The following SLC1A7 variants were observed in gnomAD, a reference collection of about 807,000 sequenced individuals.
SLC1A7 encodes the protein solute carrier family 1 member 7.
SLC1A7 carries 40 observed loss-of-function variants against 47.7 expected under a neutral mutation model. The ratio of observed to expected loss-of-function variants is 0.84; its 90% CI spans 0.65 to 1.09. The LOEUF (loss-of-function observed/expected upper bound fraction) is 1.09. Among genes scored for constraint, SLC1A7 ranks in the 50% least tolerant of loss-of-function variants. The pLI, the probability that SLC1A7 is intolerant of heterozygous loss-of-function variation, is 0.00. For missense variants in SLC1A7, 746 were observed against 769.5 expected, an observed-to-expected ratio of 0.97 and a Z score of 0.36; for synonymous variants, 323 against 325.6, an observed-to-expected ratio of 0.99 and a Z score of 0.09.
At chr1:53,109,219 A>G (rs1436892021) in intron 3 of SLC1A7, among the ~76,000 whole-genome samples, 1 of 151,986 alleles carries the variant, frequency 6.6e-6, no homozygotes, top group African/African-American at 2.4e-5. Context: ...CCCCAAACCA[A>G]GCCCTAAAGG....
intron 5 of SLC1A7, among the ~76,000 whole-genome samples, chr1:53,099,947 C>T (rs770732999): frequency 1.3e-4 from 19 of 151,292 alleles, no homozygotes; most frequent in Non-Finnish European, 2.5e-4. Flanking sequence ...TCACACACCA[C>T]ACCACCTCGT....
At chr1:53,104,101 A>AC (rs375094797) in intron 4 of SLC1A7, among the ~76,000 whole-genome samples, 45 of 152,194 alleles carry the variant, frequency 3.0e-4, no homozygotes, top group African/African-American at 1.0e-3. Flanking sequence ...CATGGGTCTC[A>AC]CCCCATCATC....
intron 2 of SLC1A7, among the ~76,000 whole-genome samples, chr1:53,128,591 C>G (rs1644908282): frequency 7.0e-6 from 1 of 143,160 alleles, no homozygotes; most frequent in South Asian, 2.2e-4. Context: ...TGGGCAGGAC[C>G]TGGCCAGGGC....
At chr1:53,090,982 T>C in intron 7 of SLC1A7, 176 bp from the exon 8 acceptor site, 7 of 1,484,956 alleles carry the variant, frequency 4.7e-6, no homozygotes, top group Non-Finnish European at 5.4e-6. Context: ...ACTTGGTTCT[T>C]CCTATGAGGG....
chr1:53,092,811 C>A, intron 6 of SLC1A7, 24 bp from the exon 7 acceptor site: 1 of 1,514,496 alleles, frequency 6.6e-7, no homozygotes, highest in Non-Finnish European at 9.2e-7. Context: ...GGCAGCCAGG[C>A]TCAGGAACCA....
intron 2 of SLC1A7, among the ~76,000 whole-genome samples, chr1:53,123,923 C>T (rs1315301031): frequency 6.6e-6 from 1 of 152,206 alleles, no homozygotes; most frequent in Non-Finnish European, 1.5e-5. Context: ...CCCCCTGACT[C>T]GGAGGGCAGC....
intron 2 of SLC1A7, 39 bp from the exon 3 acceptor site, chr1:53,115,012 C>A (rs368380042): frequency 1.2e-5 from 18 of 1,539,874 alleles, no homozygotes; most frequent in Non-Finnish European, 1.3e-5. Context: ...GGTGGGGAGG[C>A]CAGGGCCTGG....
chr1:53,119,012 A>G (rs1160901135), intron 2 of SLC1A7, among the ~76,000 whole-genome samples: 1 of 152,130 alleles, frequency 6.6e-6, no homozygotes, highest in Non-Finnish European at 1.5e-5. Flanking sequence ...AAAAATTTAT[A>G]TTGCTTCAGG....
At chr1:53,122,570 C>T (rs1193465065) in intron 2 of SLC1A7, among the ~76,000 whole-genome samples, 1 of 152,210 alleles carries the variant, frequency 6.6e-6, no homozygotes, top group Non-Finnish European at 1.5e-5. Context: ...AGTCATGCTT[C>T]CCAGACGGCT....
chr1:53,117,683 T>C (rs1183475429), intron 2 of SLC1A7, among the ~76,000 whole-genome samples: 1 of 152,172 alleles, frequency 6.6e-6, no homozygotes, highest in Non-Finnish European at 1.5e-5. Flanking sequence ...TGAGGGATTG[T>C]GTGGAGTGGG....
chr1:53,140,621 G>A (rs1645048435), intron 1 of SLC1A7, among the ~76,000 whole-genome samples: 1 of 152,196 alleles, frequency 6.6e-6, no homozygotes, highest in Admixed American at 6.5e-5. Context: ...GATGTAGATA[G>A]GACTTTAACA....
intron 5 of SLC1A7, among the ~76,000 whole-genome samples, chr1:53,099,534 A>C (rs577154605): frequency 7.1e-6 from 1 of 141,170 alleles, no homozygotes; most frequent in East Asian, 2.1e-4. Context: ...ACACTCACAC[A>C]CCCCACCACA....
intron 2 of SLC1A7, among the ~76,000 whole-genome samples, chr1:53,121,883 G>T (rs1048032474): frequency 2.0e-5 from 3 of 152,202 alleles, no homozygotes; most frequent in Non-Finnish European, 4.4e-5. Flanking sequence ...AGAAGCCCGG[G>T]GGCTGGTGGA....
At chr1:53,089,194 GAA>G (rs1243046030) in intron 9 of SLC1A7, among the ~76,000 whole-genome samples, 8 of 152,218 alleles carry the variant, frequency 5.3e-5, no homozygotes, top group Admixed American at 1.3e-4. Flanking sequence ...CCCATGCTTA[GAA>G]GGGTTAGGTT....
intron 3 of SLC1A7, among the ~76,000 whole-genome samples, chr1:53,107,039 C>T (rs1023823657): frequency 6.6e-6 from 1 of 151,232 alleles, no homozygotes; most frequent in Non-Finnish European, 1.5e-5. Context: ...GCCTGTAGTC[C>T]CAGCTACTCA....
chr1:53,094,704 C>T (rs1300169), intron 5 of SLC1A7, among the ~76,000 whole-genome samples: 124,665 of 152,172 alleles, frequency 0.82, 51,389 homozygotes, highest in East Asian at 0.97. Context: ...CTGGCTGATG[C>T]AGACCCAGAC....
At chr1:53,091,060 C>T (rs1340849885) in intron 7 of SLC1A7, 2 of 1,094,208 alleles carry the variant, frequency 1.8e-6, no homozygotes, top group South Asian at 1.6e-5. Flanking sequence ...CCATGTCACA[C>T]TGCTGTGCCG....
In SLC1A7 at chr1:53,088,213, G is replaced by T. The variant is rs139218904; in HGVS notation, c.1479C>A (p.Cys493Ter). 6 of 1,607,466 alleles carry T rather than the reference G, an allele frequency of 3.7e-6. No individual in the cohort carries two copies. Among genetic ancestry groups the T allele is most frequent in the South Asian group, 2.2e-5 (2 of 89,776 alleles). The change falls in exon 11 of 11, where the codon TGC (cysteine) becomes TGA (stop). Residue 493 changes from cysteine (C) to a stop codon, truncating the protein, a stop_gained. Coordinates refer to ENST00000371494, the MANE Select transcript of SLC1A7 (RefSeq NM_006671.6). LOFTEE classifies it high-confidence loss of function. ...RDTGTEKLLP[C>*]ETKPVSLQEI... is the part of the protein sequence containing the mutation. ...CCTGGAGGCTCACTGGCTTGGTCTCGCAGGGCAGCAGTTTCTGGTGAAGGG... is the reference window on the plus strand; with the variant it reads ...CCTGGAGGCTCACTGGCTTGGTCTCTCAGGGCAGCAGTTTCTGGTGAAGGG...
intron 4 of SLC1A7, 36 bp from the exon 5 acceptor site, chr1:53,103,604 G>T (rs139321470): frequency 6.5e-5 from 86 of 1,319,566 alleles, no homozygotes; most frequent in Middle Eastern, 2.1e-4. Flanking sequence ...AGAAGTCAGG[G>T]CCAAGGGTTG....
Sources: gnomAD v4.1 joint callset for allele counts (sites outside exome capture counted in the v4.1 genomes callset) on GRCh38, gnomAD v4.1.1 for gene constraint, MANE v1.5 for transcripts, NCBI Gene and HGNC (gene_info 2026-07-23, HGNC 2026-07-21) for gene names.